Variants in KLF13 observed in about 807,000 individuals in gnomAD.
KLF13 encodes the protein KLF transcription factor 13.
In KLF13, 8 loss-of-function variants were observed where a neutral mutation model predicts 16.7. That is an observed-to-expected ratio of 0.48 (90% CI 0.28 to 0.87). The LOEUF (loss-of-function observed/expected upper bound fraction) is 0.87, where lower values mean the gene tolerates loss of function less well. Ranked by LOEUF, KLF13 falls within the 40% of genes least tolerant of loss-of-function variation. The pLI, the probability that KLF13 is intolerant of heterozygous loss-of-function variation, is 0.10. For missense variants in KLF13, 447 were observed against 452.2 expected (o/e 0.99, Z 0.10); for synonymous variants, 245 against 208.4 (o/e 1.18, Z -1.51).
upstream of KLF13, among the ~76,000 whole-genome samples, chr15:31,391,708 AGGGGGGCTGT>A (rs879748037): frequency 2.3e-3 from 246 of 107,598 alleles, 1 homozygote; most frequent in Non-Finnish European, 3.9e-3. Flanking sequence ...GGGGCTCTGT[AGGGGGGCTGT>A]GGGGGGCTGT....
At chr15:31,379,572 G>T (rs2039698875), downstream of KLF13, among the ~76,000 whole-genome samples, 1 of 152,220 alleles carries the variant, frequency 6.6e-6, no homozygotes. Flanking sequence ...GTCTCCTAAG[G>T]CCTTCAGAGG....
chr15:31,332,504 T>C (rs4605124), intron 1 of KLF13, among the ~76,000 whole-genome samples: 42,872 of 151,302 alleles, frequency 0.28, 6,272 homozygotes, highest in Non-Finnish European at 0.32. Flanking sequence ...CCATCTCCAC[T>C]CCCCCCTTCC....
chr15:31,420,480 G>A, intron 1 of KLF13: 2 of 726,866 alleles, frequency 2.8e-6, no homozygotes, highest in Non-Finnish European at 2.4e-6. Flanking sequence ...CTGGATATCT[G>A]GAAAGACAAG....
Position 31,327,251 on chromosome 15 carries a change from G to A in KLF13, c.39G>A (p.Glu13=), listed in dbSNP as rs1338519693. ...AAAYVDHFAA[E]CLVSMSSRAV... is the part of the protein sequence containing the mutation. ...CCTATGTGGACCACTTCGCCGCCGA[G>A]TGCCTCGTGTCCATGTCGAGCCGCG... Residue 13 remains glutamate, a synonymous_variant, in exon 1 of 2, where the codon GAG becomes GAA. Coordinates refer to ENST00000307145, the MANE Select transcript of KLF13 (RefSeq NM_015995.4). The A allele has an allele frequency of 1.9e-5, 26 of 1,380,096 alleles. No individual in the cohort carries two copies. In the East Asian group the frequency reaches 7.8e-4, roughly 41 times the overall value. 85.5% of individuals were successfully genotyped at this position (1,380,096 alleles called of 1,614,324 possible). A position where few individuals can be genotyped will look rare whatever the true frequency, so the allele number is the denominator to read the frequency against.
chr15:31,378,149 C>T (rs932792308), downstream of KLF13, among the ~76,000 whole-genome samples: 23 of 152,166 alleles, frequency 1.5e-4, no homozygotes, highest in African/African-American at 5.1e-4. Flanking sequence ...TCCGTCCATC[C>T]GAAAGAGCAC....
At chr15:31,381,908 A>G (rs1346326556), downstream of KLF13, among the ~76,000 whole-genome samples, 4 of 152,210 alleles carry the variant, frequency 2.6e-5, no homozygotes, top group African/African-American at 9.6e-5. Context: ...AGGGCGGAGA[A>G]AGGTCTGGTG....
At chr15:31,327,850 C>A in intron 1 of KLF13, 61 bp downstream of exon 1, 2 of 1,315,850 alleles carry the variant, frequency 1.5e-6, no homozygotes, top group East Asian at 3.4e-5. Flanking sequence ...GCTGCCCGAC[C>A]ACGCCCCCGG....
chr15:31,342,621 G>A (rs140051675), intron 1 of KLF13, among the ~76,000 whole-genome samples: 71 of 152,288 alleles, frequency 4.7e-4, no homozygotes, highest in African/African-American at 1.7e-3. Flanking sequence ...CCTGGGCTTC[G>A]CTCGTTTCCA....
chr15:31,382,145 G>A (rs1268375948), downstream of KLF13, among the ~76,000 whole-genome samples: 1 of 152,198 alleles, frequency 6.6e-6, no homozygotes, highest in Non-Finnish European at 1.5e-5. Flanking sequence ...ACATGCCACT[G>A]GGAAATGATC....
chr15:31,415,935 C>G (rs1294603392), intron 1 of KLF13, among the ~76,000 whole-genome samples: 2 of 148,674 alleles, frequency 1.3e-5, no homozygotes, highest in African/African-American at 2.5e-5. Flanking sequence ...CTAGGTTGAA[C>G]AAGAAAAAAA....
intron 1 of KLF13, among the ~76,000 whole-genome samples, chr15:31,333,214 A>G (rs1395217359): frequency 1.3e-5 from 2 of 152,138 alleles, no homozygotes. Flanking sequence ...CTAAATTTCA[A>G]ATAAGGAAGC....
At chr15:31,328,756 C>T (rs537763799) in intron 1 of KLF13, among the ~76,000 whole-genome samples, 2 of 152,180 alleles carry the variant, frequency 1.3e-5, no homozygotes, top group South Asian at 2.1e-4. Flanking sequence ...CTTTTTGTTT[C>T]GTTTTTAACA....
At chr15:31,398,019 T>C (rs1392362426) in intron 2 of KLF13, among the ~76,000 whole-genome samples, 1 of 152,060 alleles carries the variant, frequency 6.6e-6, no homozygotes, top group African/African-American at 2.4e-5. Context: ...TATCTTGGGT[T>C]TTACGCAGTC....
chr15:31,328,295 G>A (rs2038758402), intron 1 of KLF13, among the ~76,000 whole-genome samples: 2 of 151,794 alleles, frequency 1.3e-5, no homozygotes, highest in African/African-American at 2.4e-5. Flanking sequence ...TTCACGCAGG[G>A]ACAAGGTTTC....
At chr15:31,397,592 C>T (rs1017014158) in intron 2 of KLF13, among the ~76,000 whole-genome samples, 2 of 152,244 alleles carry the variant, frequency 1.3e-5, no homozygotes, top group African/African-American at 4.8e-5. Context: ...CCAGCTCTAG[C>T]AGCTGCTAGC....
chr15:31,421,419 A>C (rs180811189), intron 1 of KLF13, among the ~76,000 whole-genome samples: 60 of 152,356 alleles, frequency 3.9e-4, no homozygotes, highest in African/African-American at 1.3e-3. Flanking sequence ...CCTGGTATAA[A>C]ATTTGAAAAA....
At chr15:31,360,679 G>GA (rs1262212078) in intron 1 of KLF13, among the ~76,000 whole-genome samples, 2 of 152,112 alleles carry the variant, frequency 1.3e-5, no homozygotes, top group African/African-American at 2.4e-5. Flanking sequence ...ACCTGTTTCA[G>GA]AAAAAACAGA....
In KLF13 at chr15:31,429,975, C is replaced by T. The variant is rs897780672; in HGVS notation, n.118-5395C>T. ...GGTCTCGATCTCCTGACCTTGTGAC[C>T]GCCCGCCTTGGCCTCCCAAAGTGCT... On this transcript the variant is annotated intron_variant and non_coding_transcript_variant, in intron 1 of 1. Transcript: ENST00000558225. Among the ~76,000 whole-genome samples the T allele has an allele frequency of 3.4e-4, 52 of 152,060 alleles. 1 individual carries two copies. The highest frequency in any genetic ancestry group is 4.8e-4 in the African/African-American group (20 of 41,466).
At chr15:31,345,661 C>CT (rs1566809109) in intron 1 of KLF13, among the ~76,000 whole-genome samples, 1 of 152,226 alleles carries the variant, frequency 6.6e-6, no homozygotes. Context: ...GCCCTACTCA[C>CT]TGTCTTCCAG....
Sources: allele counts gnomAD v4.1 joint callset (sites outside exome capture counted in the v4.1 genomes callset), GRCh38; gene constraint gnomAD v4.1.1; transcripts MANE v1.5; gene names NCBI Gene and HGNC (gene_info 2026-07-23, HGNC 2026-07-21).